The following FSHR variants were observed in gnomAD, a reference collection of about 807,000 sequenced individuals.
FSHR encodes the protein follicle-stimulating hormone receptor.
In FSHR, 46 loss-of-function variants were observed where a neutral mutation model predicts 52.1. That is an observed-to-expected ratio of 0.88 (90% CI 0.70 to 1.13). The LOEUF (loss-of-function observed/expected upper bound fraction) is 1.13, where lower values mean the gene tolerates loss of function less well. Among genes scored for constraint, FSHR ranks in the 50% most tolerant of loss-of-function variants. The pLI is 0.00. For missense variants in FSHR, 964 were observed against 834.6 expected, an observed-to-expected ratio of 1.16 and a Z score of -1.91; for synonymous variants, 399 against 309.6, an observed-to-expected ratio of 1.29 and a Z score of -3.03.
rs144107120 is a variant in FSHR, at chr2:48,970,290, T to G, written c.669-1407A>C. ...TTCCCAAGCAAATTTATACTAGTTGTTCATGCTTTTATTTCCTCATCTCAC... is the reference window on the plus strand; with the variant it reads ...TTCCCAAGCAAATTTATACTAGTTGGTCATGCTTTTATTTCCTCATCTCAC... On this transcript the variant is annotated intron_variant, in intron 8 of 9. Transcript: ENST00000406846. Among the ~76,000 whole-genome samples the G allele has an allele frequency of 4.8e-3, 733 of 152,310 alleles. 7 individuals carry two copies. The highest frequency in any genetic ancestry group is 0.016 in the African/African-American group (673 of 41,572).
intron 1 of FSHR, among the ~76,000 whole-genome samples, chr2:49,115,625 TAG>T (rs1345617883): frequency 6.6e-6 from 1 of 152,172 alleles, no homozygotes; most frequent in Non-Finnish European, 1.5e-5. Context: ...CACATGCTGC[TAG>T]AGACAGTCTT....
At chr2:49,067,434 C>A (rs979925230) in intron 2 of FSHR, among the ~76,000 whole-genome samples, 2 of 152,126 alleles carry the variant, frequency 1.3e-5, no homozygotes, top group South Asian at 4.1e-4. Context: ...GCCTTGCTTT[C>A]ATTCCCTTCT....
At chr2:48,965,593 A>G (rs1394997292) in intron 9 of FSHR, among the ~76,000 whole-genome samples, 2 of 152,192 alleles carry the variant, frequency 1.3e-5, no homozygotes, top group African/African-American at 4.8e-5. Flanking sequence ...GATTCCAGGA[A>G]GAGAAAGTAA....
intron 1 of FSHR, among the ~76,000 whole-genome samples, chr2:49,115,754 T>C (rs1671575078): frequency 6.6e-6 from 1 of 152,162 alleles, no homozygotes; most frequent in Non-Finnish European, 1.5e-5. Context: ...TCTTCATTCA[T>C]TTTGCTGACT....
intron 2 of FSHR, among the ~76,000 whole-genome samples, chr2:49,029,916 G>T (rs1268146612): frequency 6.6e-6 from 1 of 152,148 alleles, no homozygotes; most frequent in Non-Finnish European, 1.5e-5. Flanking sequence ...TTATTAAAAG[G>T]CAGCCAGCCT....
chr2:49,057,888 A>T (rs1041957510), intron 2 of FSHR, among the ~76,000 whole-genome samples: 1 of 152,232 alleles, frequency 6.6e-6, no homozygotes, highest in African/African-American at 2.4e-5. Flanking sequence ...AGTAAACATG[A>T]TACATTAAAG....
chr2:49,148,917 C>T (rs978731682), intron 1 of FSHR, among the ~76,000 whole-genome samples: 7 of 151,912 alleles, frequency 4.6e-5, no homozygotes, highest in Middle Eastern at 3.4e-3. Context: ...AACATGGTGG[C>T]AGTGGTGTTT....
intron 2 of FSHR, 65 bp from the exon 3 acceptor site, chr2:49,020,225 C>CTATGCTGAGCCCTA: frequency 7.8e-7 from 1 of 1,283,692 alleles, no homozygotes; most frequent in South Asian, 1.2e-5. Context: ...TTTTAGGGCT[C>CTATGCTGAGCCCTA]AGCATAGAGC....
intron 6 of FSHR, among the ~76,000 whole-genome samples, chr2:48,986,081 C>T (rs963213910): frequency 1.1e-4 from 17 of 152,196 alleles, no homozygotes; most frequent in Admixed American, 2.0e-4. Context: ...AATTCCATCA[C>T]CTGGGTAATA....
chr2:49,043,596 C>G (rs1367480136), intron 2 of FSHR, among the ~76,000 whole-genome samples: 1 of 152,198 alleles, frequency 6.6e-6, no homozygotes. Context: ...GACTACTGCA[C>G]TATCAGGACA....
intron 1 of FSHR, among the ~76,000 whole-genome samples, chr2:49,139,305 C>T (rs1162726291): frequency 6.6e-6 from 1 of 152,060 alleles, no homozygotes; most frequent in Non-Finnish European, 1.5e-5. Flanking sequence ...TTTGCCAAAG[C>T]CTATTTTCAG....
intron 2 of FSHR, among the ~76,000 whole-genome samples, chr2:49,032,870 T>G (rs921174472): frequency 6.6e-6 from 1 of 152,224 alleles, no homozygotes; most frequent in African/African-American, 2.4e-5. Flanking sequence ...ACATTGTCTT[T>G]ATTTATTTTT....
At chr2:49,004,406 T>G (rs1204898430) in intron 4 of FSHR, among the ~76,000 whole-genome samples, 1 of 152,172 alleles carries the variant, frequency 6.6e-6, no homozygotes, top group Non-Finnish European at 1.5e-5. Flanking sequence ...TGAAGTGGTC[T>G]GCAAGATGCC....
intron 9 of FSHR, among the ~76,000 whole-genome samples, chr2:48,967,288 G>A (rs992150064): frequency 2.0e-5 from 3 of 151,910 alleles, no homozygotes; most frequent in Admixed American, 6.6e-5. Context: ...TTGTAGAGAC[G>A]AGGTCCCACC....
chr2:48,963,588 A>T lies in FSHR; in HGVS notation c.1233T>A (p.Ile411=). 6.2e-7 allele frequency: 1 copy of T among 1,614,198 alleles called. No individual in the cohort carries two copies. The highest frequency in any genetic ancestry group is 8.5e-7 in the Non-Finnish European group (1 of 1,180,022). Residue 411 remains isoleucine, a synonymous_variant, in exon 10 of 10, where the codon ATT becomes ATA. Transcript: ENST00000406846. ...ATGCAATGAGCAGCAGGTAGATTCC[A>T]ATGCAGAGATCAGCAAAGGCCAGGT... The part of the protein sequence containing the change: ...MCNLAFADLC[I]GIYLLLIASV...
At chr2:49,043,625 G>C (rs559036588) in intron 2 of FSHR, among the ~76,000 whole-genome samples, 9 of 152,260 alleles carry the variant, frequency 5.9e-5, no homozygotes, top group African/African-American at 2.2e-4. Context: ...CACATTCCTA[G>C]CATCTTGCCT....
At chr2:49,004,690 G>A (rs1667017960) in intron 4 of FSHR, among the ~76,000 whole-genome samples, 1 of 152,118 alleles carries the variant, frequency 6.6e-6, no homozygotes, top group Non-Finnish European at 1.5e-5. Context: ...TGGCTGATGG[G>A]AGTGTCTGAT....
At chr2:49,014,423 G>A (rs556020365) in intron 4 of FSHR, among the ~76,000 whole-genome samples, 2 of 152,088 alleles carry the variant, frequency 1.3e-5, no homozygotes, top group African/African-American at 2.4e-5. Flanking sequence ...TTAGTGGCAG[G>A]TGGCACAGAT....
At chr2:48,987,602 A>G (rs1559103529) in intron 6 of FSHR, among the ~76,000 whole-genome samples, 1 of 151,950 alleles carries the variant, frequency 6.6e-6, no homozygotes, top group Non-Finnish European at 1.5e-5. Context: ...CTAGCTAACT[A>G]CTGCTCATCT....
Sources: gnomAD v4.1 joint callset for allele counts (sites outside exome capture counted in the v4.1 genomes callset) on GRCh38, gnomAD v4.1.1 for gene constraint, MANE v1.5 for transcripts, NCBI Gene and HGNC (gene_info 2026-07-23, HGNC 2026-07-21) for gene names.